Variants in TNNI3K observed in about 807,000 individuals in gnomAD.
TNNI3K encodes serine/threonine-protein kinase TNNI3K.
In TNNI3K, 140 loss-of-function variants were observed where a neutral mutation model predicts 114.5. The ratio of observed to expected loss-of-function variants is 1.22; its 90% CI spans 1.07 to 1.41. The LOEUF (loss-of-function observed/expected upper bound fraction) is 1.41, where lower values mean the gene tolerates loss of function less well. Ranked by LOEUF, TNNI3K falls within the 40% of genes most tolerant of loss-of-function variation. The pLI, the probability that TNNI3K is intolerant of heterozygous loss-of-function variation, is 0.00. For missense variants in TNNI3K, 1,125 were observed against 1,007.6 expected (o/e 1.12, Z -1.58); for synonymous variants, 347 against 347.5 (o/e 1.00, Z 0.02).
Position 74,367,318 on chromosome 1 carries a change from A to G in TNNI3K, c.1240A>G (p.Asn414Asp). The change falls in exon 12 of 25, where the codon AAT becomes GAT. Residue 414 changes from asparagine to aspartate, a missense_variant. Asn to Asp is a conservative substitution (Grantham distance 23). Transcript: ENST00000326637. ...GAGACCACAAGATGAATTGCCCTGT[A>G]ATGAATATTCTCAGCCTGGAGGAGG... Reference protein sequence around the residue: ...YKRPQDELPCNEYSQPGGDGS... With the variant: ...YKRPQDELPCDEYSQPGGDGS... 3 of 1,612,196 alleles carry G rather than the reference A, an allele frequency of 1.9e-6. No homozygotes were observed. Among genetic ancestry groups the G allele is most frequent in the Non-Finnish European group, 2.5e-6 (3 of 1,178,726 alleles).
chr1:74,377,989 T>C (rs1662994664), intron 17 of TNNI3K, among the ~76,000 whole-genome samples: 1 of 152,126 alleles, frequency 6.6e-6, no homozygotes, highest in Non-Finnish European at 1.5e-5. Context: ...GCTTCCAGCC[T>C]TTTAAAACTA....
intron 23 of TNNI3K, among the ~76,000 whole-genome samples, chr1:74,497,601 C>A (rs1372276585): frequency 6.7e-6 from 1 of 149,024 alleles, no homozygotes; most frequent in African/African-American, 2.5e-5. Flanking sequence ...CACACACACA[C>A]ATCTACACAC....
At chr1:74,416,521 T>A (rs1435276019) in intron 17 of TNNI3K, 1 of 985,128 alleles carries the variant, frequency 1.0e-6, no homozygotes, top group East Asian at 1.1e-4. Context: ...GGAAGGTGGC[T>A]TACATAGTCA....
chr1:74,355,869 G>A (rs12057537), intron 11 of TNNI3K, among the ~76,000 whole-genome samples: 11,161 of 152,136 alleles, frequency 0.073, 586 homozygotes, highest in African/African-American at 0.14. Context: ...CTGTATTTTG[G>A]TGGGCTTATT....
rs1660523306 is a variant in TNNI3K at position 74,337,302 on chromosome 1, C to T, written c.682+1153C>T. Among the ~76,000 whole-genome samples the T allele has an allele frequency of 2.0e-5, 3 of 151,292 alleles. No individual in the cohort carries two copies. In the South Asian group the frequency reaches 6.3e-4, roughly 32 times the overall value. On this transcript the variant is annotated intron_variant, in intron 7 of 24. Coordinates refer to ENST00000326637, the MANE Select transcript of TNNI3K (RefSeq NM_015978.3). The stretch of plus-strand genomic sequence containing the variant: ...AAATTTTCTCCCATTTTGTAGGTTG[C>T]CTGTTCACTCTGATGGTAGTTTCTT...
At position 74,485,089 on chromosome 1, in the gene TNNI3K, T is replaced by C. The variant is rs565138631; in HGVS notation, c.2122-4100T>C. ...AGGTGTCTAAGAGTAAATAAACCAT[T>C]GTATCAAAGAACTTTCTAGCTAGTG... is the stretch of plus-strand genomic sequence containing the variant. On this transcript the variant is annotated intron_variant, in intron 21 of 24. Coordinates refer to ENST00000326637, the MANE Select transcript of TNNI3K (RefSeq NM_015978.3). 2.6e-5 allele frequency among the ~76,000 whole-genome samples: 4 copies of C among 152,276 alleles called. No individual in the cohort carries two copies. The East Asian group carries it at 7.7e-4, about 29-fold the overall frequency.
At chr1:74,246,431 G>A (rs960776662) in intron 2 of TNNI3K, among the ~76,000 whole-genome samples, 1 of 152,164 alleles carries the variant, frequency 6.6e-6, no homozygotes, top group African/African-American at 2.4e-5. Context: ...AGTTTGTAGG[G>A]AATCAGTGTC....
At chr1:74,519,472 T>C (rs1646399709) in intron 23 of TNNI3K, among the ~76,000 whole-genome samples, 1 of 140,782 alleles carries the variant, frequency 7.1e-6, no homozygotes, top group Admixed American at 6.9e-5. Flanking sequence ...ACTTCCACAA[T>C]GGTTGAACTA....
intron 5 of TNNI3K, among the ~76,000 whole-genome samples, chr1:74,329,702 C>G (rs148805489): frequency 6.6e-6 from 1 of 152,126 alleles, no homozygotes; most frequent in African/African-American, 2.4e-5. Flanking sequence ...AGGCAAGAGA[C>G]TAAAGATTTA....
At chr1:74,445,350 C>A (rs920898081) in intron 20 of TNNI3K, among the ~76,000 whole-genome samples, 4 of 137,888 alleles carry the variant, frequency 2.9e-5, no homozygotes, top group Admixed American at 2.9e-4. Context: ...AGGTATATCT[C>A]CCAATGCTAT....
intron 5 of TNNI3K, among the ~76,000 whole-genome samples, chr1:74,317,276 A>T (rs1357413584): frequency 6.6e-6 from 1 of 152,200 alleles, no homozygotes; most frequent in Non-Finnish European, 1.5e-5. Flanking sequence ...GAATCTGAGT[A>T]GGTGTTAGTC....
At chr1:74,408,644 C>G (rs1415782193) in intron 17 of TNNI3K, among the ~76,000 whole-genome samples, 1 of 152,160 alleles carries the variant, frequency 6.6e-6, no homozygotes, top group Admixed American at 6.5e-5. Flanking sequence ...ATTCTGGGTT[C>G]CCTGTTGATC....
At chr1:74,452,302 T>C (rs1294261188) in intron 20 of TNNI3K, among the ~76,000 whole-genome samples, 1 of 152,138 alleles carries the variant, frequency 6.6e-6, no homozygotes, top group African/African-American at 2.4e-5. Context: ...TTGCAAACTC[T>C]CTGTAACTGT....
At chr1:74,365,756 G>A (rs1935126) in intron 11 of TNNI3K, among the ~76,000 whole-genome samples, 151,795 of 152,196 alleles carry the variant, frequency 1, 75,699 homozygotes, top group Middle Eastern at 1. Flanking sequence ...TCGTGAGCTC[G>A]CTGCAGTCCA....
intron 23 of TNNI3K, among the ~76,000 whole-genome samples, chr1:74,504,234 A>G (rs1469493911): frequency 2.6e-5 from 4 of 152,210 alleles, no homozygotes; most frequent in Admixed American, 1.3e-4. Context: ...GAAAGGTGAT[A>G]GGGCTCTATG....
chr1:74,394,526 C>T (rs1332920523), intron 17 of TNNI3K, among the ~76,000 whole-genome samples: 23 of 152,152 alleles, frequency 1.5e-4, no homozygotes, highest in Non-Finnish European at 2.9e-5. Context: ...ATAGCTGATG[C>T]CTGCTTGTCA....
At chr1:74,381,057 T>G (rs757772984) in intron 17 of TNNI3K, among the ~76,000 whole-genome samples, 1 of 152,184 alleles carries the variant, frequency 6.6e-6, no homozygotes, top group Non-Finnish European at 1.5e-5. Context: ...TAAACCTTTT[T>G]AAAGTCTCAT....
intron 2 of TNNI3K, among the ~76,000 whole-genome samples, chr1:74,247,080 T>C (rs1441568549): frequency 6.6e-6 from 1 of 152,208 alleles, no homozygotes; most frequent in Non-Finnish European, 1.5e-5. Context: ...GTTCTTGGTC[T>C]CACTGACTTC....
At chr1:74,541,585 T>C (rs923009566) in intron 24 of TNNI3K, 3 of 152,232 alleles carry the variant, frequency 2.0e-5, no homozygotes, top group African/African-American at 7.2e-5. Flanking sequence ...AAACATTTGC[T>C]TTGACCAGAA....
Sources: allele counts gnomAD v4.1 joint callset (sites outside exome capture counted in the v4.1 genomes callset), GRCh38; gene constraint gnomAD v4.1.1; transcripts MANE v1.5; gene names NCBI Gene and HGNC (gene_info 2026-07-23, HGNC 2026-07-21).